EDAR: variants seen among roughly 807,000 people sequenced by gnomAD.
The protein encoded by EDAR is ectodysplasin A receptor.
A neutral mutation model predicts 51.3 loss-of-function variants in EDAR; 38 were observed. That is an observed-to-expected ratio of 0.74 (90% CI 0.57 to 0.97). The LOEUF is 0.97. EDAR is among the 50% of genes least tolerant of loss of function. The pLI, the probability that EDAR is intolerant of heterozygous loss-of-function variation, is 0.00. For missense variants in EDAR, 528 were observed against 595.0 expected, an observed-to-expected ratio of 0.89 and a Z score of 1.17; for synonymous variants, 227 against 242.1, an observed-to-expected ratio of 0.94 and a Z score of 0.58.
intron 11 of EDAR, among the ~76,000 whole-genome samples, 185 bp from the exon 12 acceptor site, chr2:108,897,414 C>T (rs1223443435): frequency 6.6e-6 from 1 of 152,124 alleles, no homozygotes; most frequent in African/African-American, 2.4e-5. Flanking sequence ...ACGCTGCCAG[C>T]CACAAGAGAG....
Position 108,931,724 on chromosome 2 carries a change from T to C in EDAR, c.-18-692A>G, listed in dbSNP as rs550278154. On this transcript the variant is annotated intron_variant, in intron 1 of 11. Transcript: ENST00000258443. The stretch of plus-strand genomic sequence containing the variant: ...TCCCTTGAAGGAGGAGGTGGGTTTT[T>C]TTTTCTTTTTTTTTGCTTGTTTTTT... 8.6e-3 allele frequency among the ~76,000 whole-genome samples: 1,305 copies of C among 151,990 alleles called. 21 individuals are homozygous for C. Among genetic ancestry groups the C allele is most frequent in the African/African-American group, 0.03 (1,240 of 41,282 alleles).
At chr2:108,914,556 G>A (rs769353285) in intron 5 of EDAR, among the ~76,000 whole-genome samples, 4 of 152,172 alleles carry the variant, frequency 2.6e-5, no homozygotes, top group Admixed American at 1.3e-4. Context: ...TCACTAAGAC[G>A]CAACCATTCA....
chr2:108,900,770 G>T (rs1696685011), intron 11 of EDAR, among the ~76,000 whole-genome samples: 1 of 152,080 alleles, frequency 6.6e-6, no homozygotes, highest in Non-Finnish European at 1.5e-5. Context: ...TATAACATCA[G>T]TTAAAGTAGA....
rs889859923 is a variant in EDAR, at chr2:108,929,398, C to T, written c.175-19G>A. 25 of 1,613,524 alleles carry T rather than the reference C, an allele frequency of 1.5e-5. No individual in the cohort carries two copies. The highest frequency in any genetic ancestry group is 2.0e-5 in the Non-Finnish European group (24 of 1,179,666). ...CACAGGACTGTCCAGGGAAAGAGGA[C>T]AGGGGACACAGGTGAGTGCAGCAGC... On this transcript the variant is annotated intron_variant, in intron 3 of 11. Transcript: ENST00000258443.
At chr2:108,927,502 TAG>T (rs1697278970) in intron 4 of EDAR, among the ~76,000 whole-genome samples, 3 of 152,168 alleles carry the variant, frequency 2.0e-5, no homozygotes. Flanking sequence ...CTTCAGGCCA[TAG>T]AGTCAGCCCT....
Position 108,902,373 on chromosome 2 carries a change from C to A in EDAR, c.1024+3935G>T, listed in dbSNP as rs1306151363. On this transcript the variant is annotated intron_variant, in intron 11 of 11. Coordinates refer to ENST00000258443, the MANE Select transcript of EDAR (RefSeq NM_022336.4). ...CCTGGGTGACATAGCGAGACTCCAT[C>A]TCAAAAACAAAACAAAACAAAACAA... Among the ~76,000 whole-genome samples the A allele has an allele frequency of 2.6e-5, 4 of 152,182 alleles. No homozygotes were observed. In the East Asian group the frequency reaches 7.7e-4, roughly 29 times the overall value.
At chr2:108,972,809 T>A (rs1574412815) in intron 1 of EDAR, among the ~76,000 whole-genome samples, 2 of 152,318 alleles carry the variant, frequency 1.3e-5, no homozygotes, top group East Asian at 3.9e-4. Flanking sequence ...GGCAGGGGCG[T>A]TCACTCTTCC....
At chr2:108,935,966 G>A (rs2105460138) in intron 1 of EDAR, among the ~76,000 whole-genome samples, 1 of 152,312 alleles carries the variant, frequency 6.6e-6, no homozygotes, top group South Asian at 2.1e-4. Flanking sequence ...GTCTATACTT[G>A]TCATCACGGC....
chr2:108,930,290 C>T, intron 2 of EDAR, 48 bp from the exon 3 acceptor site: 1 of 1,613,254 alleles, frequency 6.2e-7, no homozygotes, highest in African/African-American at 1.3e-5. Context: ...CTTAGAAACA[C>T]ATGTGACTCC....
At chr2:108,965,135 C>T (rs1698123372) in intron 1 of EDAR, among the ~76,000 whole-genome samples, 1 of 151,774 alleles carries the variant, frequency 6.6e-6, no homozygotes, top group Non-Finnish European at 1.5e-5. Context: ...GTGAAGGGTA[C>T]TGGTATTTAT....
At chr2:108,954,335 T>G (rs1697880270) in intron 1 of EDAR, among the ~76,000 whole-genome samples, 1 of 152,344 alleles carries the variant, frequency 6.6e-6, no homozygotes, top group East Asian at 1.9e-4. Context: ...CCCATCTTAA[T>G]GTATATGCTT....
intron 5 of EDAR, among the ~76,000 whole-genome samples, chr2:108,913,882 G>A (rs1270511118): frequency 5.3e-5 from 8 of 150,902 alleles, no homozygotes; most frequent in African/African-American, 7.3e-5. Context: ...CCCAGGAGGC[G>A]GAGCTTGCAG....
At chr2:108,925,621 CT>C (rs34709065) in intron 4 of EDAR, among the ~76,000 whole-genome samples, 42 of 149,790 alleles carry the variant, frequency 2.8e-4, no homozygotes, top group East Asian at 7.8e-4. Flanking sequence ...AGGTGATACA[CT>C]TTTTTTTTTC....
Position 108,894,547 on chromosome 2 carries a change from C to CAATT in EDAR, c.*2356_*2359dup, listed in dbSNP as rs1342322952. On this transcript the variant is annotated 3_prime_UTR_variant, in exon 12 of 12. Transcript: ENST00000258443. ...CAGAATTAGACAAAAATAATATTGA[C>CAATT]AATTAAGACTTCACTGTCTAAGGGC... 6.6e-6 allele frequency: 1 copy of CAATT among 152,406 alleles called. No individual in the cohort carries two copies. Among genetic ancestry groups the CAATT allele is most frequent in the Non-Finnish European group, 1.5e-5 (1 of 68,012 alleles). 9.4% of individuals were successfully genotyped at this position (152,406 alleles called of 1,614,324 possible). A position where few individuals can be genotyped will look rare whatever the true frequency, so the allele number is the denominator to read the frequency against.
intron 11 of EDAR, among the ~76,000 whole-genome samples, chr2:108,902,766 C>T (rs1395908594): frequency 6.6e-6 from 1 of 152,046 alleles, no homozygotes; most frequent in Non-Finnish European, 1.5e-5. Flanking sequence ...TTAATGTCAA[C>T]AATTTATAAA....
chr2:108,920,366 C>T (rs569773773), intron 5 of EDAR, among the ~76,000 whole-genome samples: 31 of 152,308 alleles, frequency 2.0e-4, no homozygotes, highest in African/African-American at 6.3e-4. Flanking sequence ...CTCTCTGTTA[C>T]GGCAGGGCAA....
chr2:108,898,291 A>C (rs4676218), intron 11 of EDAR, among the ~76,000 whole-genome samples: 138,746 of 151,722 alleles, frequency 0.91, 63,515 homozygotes, highest in East Asian at 1. Context: ...CAGCTGGTAA[A>C]AACTCCTCTG....
chr2:108,985,217 T>A (rs1050917209), intron 1 of EDAR, among the ~76,000 whole-genome samples: 28 of 152,212 alleles, frequency 1.8e-4, no homozygotes, highest in Non-Finnish European at 3.5e-4. Context: ...GTTAACAACA[T>A]CAGCCTTAAG....
chr2:108,946,247 G>A (rs1255206766), intron 1 of EDAR, among the ~76,000 whole-genome samples: 2 of 152,152 alleles, frequency 1.3e-5, no homozygotes, highest in Admixed American at 6.5e-5. Context: ...TTTATCACAG[G>A]CTCTTCAGAT....
Sources: allele counts gnomAD v4.1 joint callset (sites outside exome capture counted in the v4.1 genomes callset), GRCh38; gene constraint gnomAD v4.1.1; transcripts MANE v1.5; gene names NCBI Gene and HGNC (gene_info 2026-07-23, HGNC 2026-07-21).